Variants in ZFHX4 observed in about 807,000 individuals in gnomAD.
The protein encoded by ZFHX4 is zinc finger homeobox 4.
A neutral mutation model predicts 267.6 loss-of-function variants in ZFHX4; 56 were observed. That is an observed-to-expected ratio of 0.21 (90% CI 0.17 to 0.26). The LOEUF is 0.26. ZFHX4 is among the 10% of genes least tolerant of loss of function. The probability of loss-of-function intolerance (pLI) is 1.00; values close to 1 mark genes in which losing one functional copy is unlikely to be tolerated. For missense variants in ZFHX4, 4,332 were observed against 4,420.0 expected (o/e 0.98, Z 0.56); for synonymous variants, 1,778 against 1,665.6 (o/e 1.07, Z -1.64).
chr8:76,787,699 G>C (rs991637016), intron 4 of ZFHX4, among the ~76,000 whole-genome samples: 18 of 151,038 alleles, frequency 1.2e-4, no homozygotes, highest in South Asian at 4.2e-4. Context: ...TGTAGTCCCA[G>C]CTAATCTGGA....
intron 1 of ZFHX4, among the ~76,000 whole-genome samples, chr8:76,702,794 A>G (rs1808138173): frequency 6.6e-6 from 1 of 152,230 alleles, no homozygotes; most frequent in Non-Finnish European, 1.5e-5. Context: ...TACCTGTTTC[A>G]TGAAATCAAG....
intron 3 of ZFHX4, among the ~76,000 whole-genome samples, chr8:76,715,511 A>G (rs1461853832): frequency 1.3e-5 from 2 of 149,424 alleles, no homozygotes; most frequent in Admixed American, 1.3e-4. Flanking sequence ...AAAAAAAAGA[A>G]ATGCAAAATG....
intron 3 of ZFHX4, among the ~76,000 whole-genome samples, chr8:76,712,558 T>TA (rs1808454277): frequency 6.6e-6 from 1 of 152,036 alleles, no homozygotes; most frequent in African/African-American, 2.4e-5. Context: ...GGTGTGATGG[T>TA]AAAGGAAGTC....
At chr8:76,720,100 C>T (rs1808679479) in intron 3 of ZFHX4, among the ~76,000 whole-genome samples, 1 of 152,230 alleles carries the variant, frequency 6.6e-6, no homozygotes, top group African/African-American at 2.4e-5. Flanking sequence ...GCCATTACCA[C>T]AATTGATTTT....
In ZFHX4 at chr8:76,702,963, G is replaced by GACACACACAC. The variant is rs33934020; in HGVS notation, c.-46-1062_-46-1053dup. ...TACAGTAGCTGAGGTTCTCAGGCAA[G>GACACACACAC]ACACACACACACACACACACACACA... On this transcript the variant is annotated intron_variant, in intron 1 of 10. Transcript: ENST00000651372. Among the ~76,000 whole-genome samples, 14 of 147,680 alleles carry GACACACACAC rather than the reference G, an allele frequency of 9.5e-5. No homozygotes were observed. The East Asian group carries it at 1.0e-3, about 11-fold the overall frequency.
intron 4 of ZFHX4, among the ~76,000 whole-genome samples, chr8:76,808,846 G>A (rs564668159): frequency 4.8e-4 from 73 of 151,518 alleles, no homozygotes; most frequent in Non-Finnish European, 7.4e-4. Flanking sequence ...AGTCCTTTTC[G>A]CACTTACCTA....
intron 3 of ZFHX4, among the ~76,000 whole-genome samples, chr8:76,728,268 A>G (rs1260026601): frequency 2.0e-5 from 3 of 152,196 alleles, no homozygotes; most frequent in Non-Finnish European, 4.4e-5. Flanking sequence ...TCACGGTTAA[A>G]TCATGTTGTG....
chr8:76,722,475 T>TC (rs1808747018), intron 3 of ZFHX4, among the ~76,000 whole-genome samples: 1 of 151,974 alleles, frequency 6.6e-6, no homozygotes, highest in Admixed American at 6.6e-5. Flanking sequence ...TATAGGGGAA[T>TC]GTCTCAGAGA....
intron 3 of ZFHX4, among the ~76,000 whole-genome samples, chr8:76,770,427 C>A (rs560130862): frequency 3.0e-4 from 46 of 152,246 alleles, no homozygotes; most frequent in African/African-American, 1.1e-3. Flanking sequence ...ACTCTTCATG[C>A]TGTTGAGTAC....
chr8:76,836,574 G>A (rs1023675600), intron 5 of ZFHX4, among the ~76,000 whole-genome samples: 6 of 152,104 alleles, frequency 3.9e-5, no homozygotes, highest in Admixed American at 2.6e-4. Context: ...ATTCCAGGAA[G>A]AGAAAGAAAG....
At chr8:76,778,102 A>G in intron 3 of ZFHX4, 106 bp from the exon 4 acceptor site, 1 of 737,394 alleles carries the variant, frequency 1.4e-6, no homozygotes, top group South Asian at 1.5e-5. Context: ...AATGCATTTG[A>G]GCATCTGTGT....
chr8:76,713,107 G>T (rs1808468920), intron 3 of ZFHX4, among the ~76,000 whole-genome samples: 1 of 152,054 alleles, frequency 6.6e-6, no homozygotes, highest in African/African-American at 2.4e-5. Context: ...CTTGACTTTT[G>T]CTGAAGCACG....
intron 4 of ZFHX4, among the ~76,000 whole-genome samples, chr8:76,783,612 A>G (rs1333797807): frequency 6.6e-6 from 1 of 152,008 alleles, no homozygotes; most frequent in Non-Finnish European, 1.5e-5. Flanking sequence ...GCACCTCAAG[A>G]GCATTATGGT....
intron 1 of ZFHX4, chr8:76,683,336 T>G (rs1367773544): frequency 2.4e-5 from 1 of 42,386 alleles, no homozygotes; most frequent in Non-Finnish European, 4.4e-5. Flanking sequence ...CGGCCCCCAC[T>G]TTGTCTTTCC....
chr8:76,751,686 A>T (rs1809617200), intron 3 of ZFHX4, among the ~76,000 whole-genome samples: 1 of 152,294 alleles, frequency 6.6e-6, no homozygotes, highest in Middle Eastern at 3.4e-3. Flanking sequence ...TTAGGTAAAC[A>T]CCTTAGCCAG....
chr8:76,726,078 C>T (rs971125877), intron 3 of ZFHX4, among the ~76,000 whole-genome samples: 3 of 151,922 alleles, frequency 2.0e-5, no homozygotes, highest in Admixed American at 6.6e-5. Context: ...TGTACCTTCA[C>T]GAAGAGCTCA....
chr8:76,817,901 C>A (rs533634951), intron 4 of ZFHX4, among the ~76,000 whole-genome samples: 1 of 152,260 alleles, frequency 6.6e-6, no homozygotes, highest in East Asian at 1.9e-4. Flanking sequence ...CTGGAAGATT[C>A]TTCTACTACT....
chr8:76,849,180 C>A, intron 7 of ZFHX4, 52 bp downstream of exon 7: 1 of 1,499,846 alleles, frequency 6.7e-7, no homozygotes, highest in Non-Finnish European at 8.9e-7. Flanking sequence ...TTTATTGCTC[C>A]TGATAGTTTT....
intron 3 of ZFHX4, among the ~76,000 whole-genome samples, chr8:76,724,853 T>C (rs1808811893): frequency 6.6e-6 from 1 of 152,102 alleles, no homozygotes; most frequent in Non-Finnish European, 1.5e-5. Context: ...TACATGCTCA[T>C]TTGTAACTCA....
Sources: allele counts gnomAD v4.1 joint callset (sites outside exome capture counted in the v4.1 genomes callset), GRCh38; gene constraint gnomAD v4.1.1; transcripts MANE v1.5; gene names NCBI Gene and HGNC (gene_info 2026-07-23, HGNC 2026-07-21).